The following RFWD3 variants were observed in gnomAD, a reference collection of about 807,000 sequenced individuals.
The protein encoded by RFWD3 is E3 ubiquitin-protein ligase RFWD3.
In RFWD3, 65 loss-of-function variants were observed where a neutral mutation model predicts 87.7. That is an observed-to-expected ratio of 0.74 (90% CI 0.61 to 0.91). The LOEUF is 0.91. RFWD3 is among the 40% of genes least tolerant of loss of function. The probability of loss-of-function intolerance (pLI) is 0.00; values close to 1 mark genes in which losing one functional copy is unlikely to be tolerated. For missense variants in RFWD3, 1,078 were observed against 938.5 expected (o/e 1.15, Z -1.94); for synonymous variants, 433 against 352.8 (o/e 1.23, Z -2.55).
intron 10 of RFWD3, among the ~76,000 whole-genome samples, chr16:74,629,240 G>A (rs1008622937): frequency 3.3e-5 from 5 of 152,160 alleles, no homozygotes; most frequent in African/African-American, 7.2e-5. Context: ...GAAGTCGTTC[G>A]TGCCAAAGTT....
chr16:74,624,617 G>C (rs561241424), intron 12 of RFWD3, among the ~76,000 whole-genome samples: 9 of 152,292 alleles, frequency 5.9e-5, no homozygotes, highest in Admixed American at 1.3e-4. Context: ...GGCTGGTCTA[G>C]AACTCCTGAC....
chr16:74,654,440 T>C (rs942568794), intron 2 of RFWD3, among the ~76,000 whole-genome samples: 2 of 152,200 alleles, frequency 1.3e-5, no homozygotes, highest in Admixed American at 6.6e-5. Context: ...CCATATAAGA[T>C]GGTGAACTTA....
intron 12 of RFWD3, among the ~76,000 whole-genome samples, chr16:74,625,685 C>G (rs1013798537): frequency 6.6e-5 from 10 of 152,166 alleles, no homozygotes; most frequent in African/African-American, 2.2e-4. Flanking sequence ...CTCCTCTATT[C>G]CCTGCAACTC....
At chr16:74,657,215 A>G (rs549136047) in intron 2 of RFWD3, among the ~76,000 whole-genome samples, 2 of 152,256 alleles carry the variant, frequency 1.3e-5, no homozygotes, top group East Asian at 3.9e-4. Flanking sequence ...GGTTTTTACT[A>G]TGATTACAGG....
Position 74,644,673 on chromosome 16 carries a change from G to A in RFWD3, c.855C>T (p.Asp285=). ...ACTGTTCCAGACATATTGTACAAGT[G>A]TCCCCTTCTTCCTCATCCATAGAAG... ...PSASMDEEEG[D]TCTICLEQWT... Residue 285 remains aspartate, a synonymous_variant, in exon 5 of 13, where the codon GAC becomes GAT. Transcript: ENST00000361070. 1 of 1,614,224 alleles carries A rather than the reference G, an allele frequency of 6.2e-7. No homozygotes were observed. Among genetic ancestry groups the A allele is most frequent in the Non-Finnish European group, 8.5e-7 (1 of 1,180,046 alleles).
chr16:74,663,635 C>G (rs1394501946), intron 1 of RFWD3, among the ~76,000 whole-genome samples: 1 of 152,154 alleles, frequency 6.6e-6, no homozygotes, highest in Non-Finnish European at 1.5e-5. Flanking sequence ...ACCCCCACAA[C>G]CTGAGACATT....
intron 2 of RFWD3, among the ~76,000 whole-genome samples, chr16:74,655,552 C>T (rs1452905177): frequency 6.6e-6 from 1 of 151,410 alleles, no homozygotes; most frequent in Non-Finnish European, 1.5e-5. Flanking sequence ...CAGCTGAAGC[C>T]GATGCTCTTT....
At chr16:74,645,600 G>A (rs1371279304) in intron 4 of RFWD3, among the ~76,000 whole-genome samples, 3 of 152,086 alleles carry the variant, frequency 2.0e-5, no homozygotes, top group African/African-American at 4.8e-5. Flanking sequence ...TGATCCGCCC[G>A]CCTTGGTCTC....
At chr16:74,626,270 G>T in intron 12 of RFWD3, 73 bp downstream of exon 12, 3 of 1,379,112 alleles carry the variant, frequency 2.2e-6, no homozygotes, top group Non-Finnish European at 3.1e-6. Flanking sequence ...TGTAAAAAAA[G>T]TTCATGTTTT....
chr16:74,644,411 C>A lies in RFWD3; in HGVS notation c.1030G>T (p.Ala344Ser). Reference protein sequence around the residue: ...ARHSDIVVLYARTLRALDTSE... With the variant: ...ARHSDIVVLYSRTLRALDTSE... The stretch of plus-strand genomic sequence containing the variant: ...GTGTCCAAAGCTCTCAGGGTTCGGG[C>A]ATAAAGGACGACAATGTCACTGTGC... The change falls in exon 6 of 13, where the codon GCC becomes TCC. Residue 344 changes from alanine to serine, a missense_variant. Coordinates refer to ENST00000361070, the MANE Select transcript of RFWD3 (RefSeq NM_018124.4). 1.9e-6 allele frequency: 3 copies of A among 1,614,186 alleles called. No individual in the cohort carries two copies. Among genetic ancestry groups the A allele is most frequent in the Non-Finnish European group, 2.5e-6 (3 of 1,180,036 alleles).
chr16:74,648,109 G>A (rs1245852801), intron 4 of RFWD3, among the ~76,000 whole-genome samples: 5 of 152,018 alleles, frequency 3.3e-5, no homozygotes, highest in African/African-American at 4.8e-5. Flanking sequence ...CACACCTGGC[G>A]AATGTGCTTA....
chr16:74,629,457 G>C (rs1288609222), intron 10 of RFWD3, among the ~76,000 whole-genome samples: 2 of 152,160 alleles, frequency 1.3e-5, no homozygotes, highest in Non-Finnish European at 2.9e-5. Context: ...TCACCGGTTT[G>C]AGACCAGCCT....
intron 8 of RFWD3, among the ~76,000 whole-genome samples, chr16:74,634,643 C>A (rs1959178583): frequency 6.6e-6 from 1 of 152,108 alleles, no homozygotes; most frequent in Non-Finnish European, 1.5e-5. Flanking sequence ...CCCGCCTTGG[C>A]CTCCCAAAGT....
intron 2 of RFWD3, among the ~76,000 whole-genome samples, chr16:74,657,820 C>T (rs1206816945): frequency 2.2e-4 from 33 of 152,136 alleles, no homozygotes; most frequent in Admixed American, 2.2e-3. Context: ...AACTCCATTT[C>T]TTGAGATTCT....
At chr16:74,659,731 G>A (rs1204350636) in intron 2 of RFWD3, among the ~76,000 whole-genome samples, 1 of 152,136 alleles carries the variant, frequency 6.6e-6, no homozygotes, top group African/African-American at 2.4e-5. Context: ...AAATCAGCAG[G>A]ATCCATGAAA....
At chr16:74,626,122 G>T (rs1958925258) in intron 12 of RFWD3, among the ~76,000 whole-genome samples, 1 of 152,086 alleles carries the variant, frequency 6.6e-6, no homozygotes. Flanking sequence ...AAGAAATAGA[G>T]GTTGCAGCAG....
intron 10 of RFWD3, 98 bp from the exon 11 acceptor site, chr16:74,628,764 G>T: frequency 1.0e-6 from 1 of 983,038 alleles, no homozygotes; most frequent in South Asian, 1.4e-5. Flanking sequence ...CTCTGCAGAG[G>T]AGGTTAAACG....
In RFWD3 at chr16:74,661,450, C is replaced by G. The variant is rs753986351; in HGVS notation, c.-1G>C. 2.5e-6 allele frequency: 4 copies of G among 1,597,938 alleles called. No homozygotes were observed. The highest frequency in any genetic ancestry group is 2.7e-5 in the African/African-American group (2 of 74,086). On this transcript the variant is annotated splice_region_variant and 5_prime_UTR_variant, in exon 2 of 13. Coordinates refer to ENST00000361070, the MANE Select transcript of RFWD3 (RefSeq NM_018124.4). ...CATATTCCATTGCTTCATGAGCCATCACTAGAGAAACAGTATTTGTAAAAA... is the reference window on the plus strand; with the variant it reads ...CATATTCCATTGCTTCATGAGCCATGACTAGAGAAACAGTATTTGTAAAAA...
chr16:74,659,912 A>G (rs1224685395), intron 2 of RFWD3, among the ~76,000 whole-genome samples: 1 of 152,136 alleles, frequency 6.6e-6, no homozygotes, highest in Non-Finnish European at 1.5e-5. Flanking sequence ...AAACATCGGC[A>G]TGGTTGCGTA....
Sources: gnomAD v4.1 joint callset for allele counts (sites outside exome capture counted in the v4.1 genomes callset) on GRCh38, gnomAD v4.1.1 for gene constraint, MANE v1.5 for transcripts, NCBI Gene and HGNC (gene_info 2026-07-23, HGNC 2026-07-21) for gene names.